Variants in NEK6 observed in about 807,000 individuals in gnomAD.
NEK6 encodes serine/threonine-protein kinase Nek6.
A neutral mutation model predicts 43.5 loss-of-function variants in NEK6; 27 were observed. The observed-to-expected ratio is 0.62, with a 90% CI of 0.46 to 0.86. The LOEUF is 0.86. NEK6 is among the 40% of genes least tolerant of loss of function. The pLI, the probability that NEK6 is intolerant of heterozygous loss-of-function variation, is 0.00. For missense variants in NEK6, 318 were observed against 414.4 expected, an observed-to-expected ratio of 0.77 and a Z score of 2.02; for synonymous variants, 167 against 164.1, an observed-to-expected ratio of 1.02 and a Z score of -0.14.
chr9:124,323,082 C>T (rs1164942440), intron 5 of NEK6, among the ~76,000 whole-genome samples: 1 of 152,210 alleles, frequency 6.6e-6, no homozygotes, highest in Non-Finnish European at 1.5e-5. Context: ...CCACTGTGTG[C>T]CAGCCCTCAT....
chr9:124,260,100 G>A (rs980033467), intron 1 of NEK6, among the ~76,000 whole-genome samples: 1 of 152,144 alleles, frequency 6.6e-6, no homozygotes, highest in Non-Finnish European at 1.5e-5. Flanking sequence ...AGGCACACGG[G>A]GGTCAAGCCT....
chr9:124,323,584 A>G (rs1206351014), intron 5 of NEK6, among the ~76,000 whole-genome samples: 1 of 152,160 alleles, frequency 6.6e-6, no homozygotes. Context: ...TCACCCTCTC[A>G]GCCCCAGTGG....
chr9:124,323,761 C>A (rs1834190474), intron 5 of NEK6, among the ~76,000 whole-genome samples: 1 of 152,158 alleles, frequency 6.6e-6, no homozygotes, highest in African/African-American at 2.4e-5. Context: ...GGTGCAGTCT[C>A]CCTCAGCTGA....
At chr9:124,281,364 T>A (rs1831895603) in intron 1 of NEK6, among the ~76,000 whole-genome samples, 1 of 152,164 alleles carries the variant, frequency 6.6e-6, no homozygotes. Flanking sequence ...CTGAGTCCAC[T>A]GGTTCCCAAA....
intron 1 of NEK6, among the ~76,000 whole-genome samples, chr9:124,300,685 G>T (rs976693734): frequency 6.6e-6 from 1 of 152,158 alleles, no homozygotes; most frequent in Non-Finnish European, 1.5e-5. Context: ...GACAAAACCC[G>T]CTGACCGCGC....
intron 1 of NEK6, among the ~76,000 whole-genome samples, chr9:124,296,061 C>T (rs889998539): frequency 4.6e-5 from 7 of 152,236 alleles, no homozygotes; most frequent in Admixed American, 1.3e-4. Flanking sequence ...CTGTCCTTGC[C>T]GGGCCTCCGA....
At chr9:124,313,848 C>A in intron 3 of NEK6, 75 bp from the exon 4 acceptor site, 1 of 1,483,530 alleles carries the variant, frequency 6.7e-7, no homozygotes, top group Non-Finnish European at 9.4e-7. Context: ...GACTGGAAAG[C>A]AGACCCCGTG....
chr9:124,282,589 G>A (rs1031130500), intron 1 of NEK6, among the ~76,000 whole-genome samples: 4 of 151,228 alleles, frequency 2.6e-5, no homozygotes, highest in East Asian at 3.9e-4. Flanking sequence ...GCGGGGGAAC[G>A]CTGTCACCAC....
At chr9:124,272,378 G>A (rs1056831809) in intron 1 of NEK6, among the ~76,000 whole-genome samples, 11 of 152,250 alleles carry the variant, frequency 7.2e-5, no homozygotes, top group Non-Finnish European at 1.3e-4. Context: ...CTGGTGCTGT[G>A]GTTCCTAAAC....
intron 8 of NEK6, among the ~76,000 whole-genome samples, chr9:124,345,312 T>G (rs1391409848): frequency 6.6e-6 from 1 of 152,210 alleles, no homozygotes; most frequent in African/African-American, 2.4e-5. Context: ...CAGAGCTTTC[T>G]TCACAGCCCA....
chr9:124,269,857 T>A (rs1463131236), intron 1 of NEK6, among the ~76,000 whole-genome samples: 2 of 152,154 alleles, frequency 1.3e-5, no homozygotes, highest in Non-Finnish European at 2.9e-5. Context: ...CCCATATAAG[T>A]GTCCTGTGGC....
At chr9:124,273,805 G>C (rs1200466489) in intron 1 of NEK6, among the ~76,000 whole-genome samples, 1 of 152,148 alleles carries the variant, frequency 6.6e-6, no homozygotes, top group Non-Finnish European at 1.5e-5. Flanking sequence ...CCCATTTACG[G>C]GTTTTTTTGT....
chr9:124,341,002 C>G (rs932043594), intron 8 of NEK6, among the ~76,000 whole-genome samples: 6 of 152,188 alleles, frequency 3.9e-5, no homozygotes, highest in Non-Finnish European at 7.3e-5. Flanking sequence ...ACTATGAGTT[C>G]AAAACTCTGA....
intron 7 of NEK6, among the ~76,000 whole-genome samples, chr9:124,335,752 T>C (rs1196776085): frequency 6.6e-6 from 1 of 152,190 alleles, no homozygotes; most frequent in Non-Finnish European, 1.5e-5. Context: ...AGATCAGAGA[T>C]TTCCAACACC....
In NEK6 at chr9:124,349,228, A is replaced by G. The variant is rs546478756; in HGVS notation, c.831+1406A>G. On this transcript the variant is annotated intron_variant, in intron 9 of 9. Transcript: ENST00000320246. ...TTTGGAGGAAGTATTTCTCCTCCCCAGTGGGAGGAAAAACAAGTTGCATCT... is the reference window on the plus strand; with the variant it reads ...TTTGGAGGAAGTATTTCTCCTCCCCGGTGGGAGGAAAAACAAGTTGCATCT... Among the ~76,000 whole-genome samples, 3 of 152,360 alleles carry G rather than the reference A, an allele frequency of 2.0e-5. No homozygotes were observed. The East Asian group carries it at 5.8e-4, about 29-fold the overall frequency.
chr9:124,283,020 C>T (rs1265619092), intron 1 of NEK6, among the ~76,000 whole-genome samples: 2 of 152,256 alleles, frequency 1.3e-5, no homozygotes, highest in Non-Finnish European at 2.9e-5. Flanking sequence ...TCCCCTGTTC[C>T]CCCAGAGGCC....
intron 4 of NEK6, among the ~76,000 whole-genome samples, chr9:124,317,236 G>T (rs1482713569): frequency 4.6e-5 from 7 of 152,170 alleles, no homozygotes; most frequent in Non-Finnish European, 1.0e-4. Context: ...CAAAATCTGG[G>T]CAAGAGGATT....
At chr9:124,345,816 T>G (rs1181157702) in intron 8 of NEK6, among the ~76,000 whole-genome samples, 4 of 152,234 alleles carry the variant, frequency 2.6e-5, no homozygotes, top group Non-Finnish European at 5.9e-5. Flanking sequence ...CTCTCTGTTA[T>G]GGCAACAGAT....
chr9:124,339,512 T>A, intron 7 of NEK6, 59 bp from the exon 8 acceptor site: 1 of 1,258,276 alleles, frequency 7.9e-7, no homozygotes, highest in East Asian at 2.3e-5. Flanking sequence ...ACCTCACCTC[T>A]GTGCCCTGCC....
Sources: allele counts gnomAD v4.1 joint callset (sites outside exome capture counted in the v4.1 genomes callset), GRCh38; gene constraint gnomAD v4.1.1; transcripts MANE v1.5; gene names NCBI Gene and HGNC (gene_info 2026-07-23, HGNC 2026-07-21).